LATS2: variants seen among roughly 807,000 people sequenced by gnomAD.
The protein encoded by LATS2 is serine/threonine-protein kinase LATS2.
LATS2 carries 24 observed loss-of-function variants against 76.0 expected under a neutral mutation model. The ratio of observed to expected loss-of-function variants is 0.32; its 90% CI spans 0.23 to 0.44. The LOEUF (loss-of-function observed/expected upper bound fraction) is 0.44. Among genes scored for constraint, LATS2 ranks in the 20% least tolerant of loss-of-function variants. LATS2 has a pLI of 1.00. For synonymous variants in LATS2, 692 were observed against 635.4 expected, an observed-to-expected ratio of 1.09 and a Z score of -1.34; for missense variants, 1,286 against 1,481.2, an observed-to-expected ratio of 0.87 and a Z score of 2.16.
chr13:21,061,026 C>T (rs1873625774), intron 1 of LATS2, among the ~76,000 whole-genome samples: 1 of 151,638 alleles, frequency 6.6e-6, no homozygotes, highest in Non-Finnish European at 1.5e-5. Flanking sequence ...CCCCGGTCGC[C>T]GCACAACAAA....
Position 20,973,871 on chromosome 13 carries a change from G to A in LATS2, c.*999C>T, listed in dbSNP as rs528273516. On this transcript the variant is annotated 3_prime_UTR_variant, in exon 8 of 8. Coordinates refer to ENST00000382592, the MANE Select transcript of LATS2 (RefSeq NM_014572.3). ...TCTACCAAGAATGAAAGAGCATACG[G>A]ACTACAGAAACGGACATGTGTCCGT... 4.4e-6 allele frequency: 1 copy of A among 229,024 alleles called. No homozygotes were observed. Among genetic ancestry groups the A allele is most frequent in the Admixed American group, 5.7e-5 (1 of 17,526 alleles). The allele number at this position is 229,024 out of a possible 1,614,324, so 14.2% of individuals were successfully genotyped here.
intron 2 of LATS2, among the ~76,000 whole-genome samples, chr13:21,019,468 A>G (rs1871951491): frequency 6.8e-6 from 1 of 147,778 alleles, no homozygotes. Flanking sequence ...CTGGAACTAC[A>G]GGTGCACGCC....
chr13:20,996,540 C>T (rs1870761678), intron 2 of LATS2, among the ~76,000 whole-genome samples: 1 of 152,012 alleles, frequency 6.6e-6, no homozygotes, highest in South Asian at 2.1e-4. Flanking sequence ...ACCACCATAC[C>T]TGGCTAATTT....
At chr13:21,048,743 A>G (rs1298449444) in intron 1 of LATS2, among the ~76,000 whole-genome samples, 1 of 152,178 alleles carries the variant, frequency 6.6e-6, no homozygotes, top group African/African-American at 2.4e-5. Context: ...AGGCTGAGGC[A>G]GGAGAATCAC....
chr13:20,981,457 C>G lies in LATS2; in HGVS notation c.2665+9G>C, dbSNP rs371007153. The G allele has an allele frequency of 6.2e-7, 1 of 1,609,678 alleles. No individual in the cohort carries two copies. Among genetic ancestry groups the G allele is most frequent in the Middle Eastern group, 1.7e-4 (1 of 5,984 alleles). ...CCTCCTGCGGGGTGGCTGGCCATGG[C>G]GCATGTACCTTTGCGGAGGAGCACC... On this transcript the variant is annotated intron_variant, in intron 6 of 7. Transcript: ENST00000382592.
At chr13:21,027,751 T>C (rs1872362578) in intron 2 of LATS2, among the ~76,000 whole-genome samples, 1 of 152,090 alleles carries the variant, frequency 6.6e-6, no homozygotes, top group African/African-American at 2.4e-5. Flanking sequence ...TACTTTGCAG[T>C]GCCATATGAA....
At position 21,045,805 on chromosome 13, in the gene LATS2, C is replaced by T. The variant is rs1273337933; in HGVS notation, c.222G>A (p.Gln74=). 2 of 1,614,220 alleles carry T rather than the reference C, an allele frequency of 1.2e-6. No individual in the cohort carries two copies. Among genetic ancestry groups the T allele is most frequent in the Non-Finnish European group, 1.7e-6 (2 of 1,180,040 alleles). The change falls in exon 2 of 8, where the codon CAG becomes CAA. Residue 74 remains glutamine, a synonymous_variant. Coordinates refer to ENST00000382592, the MANE Select transcript of LATS2 (RefSeq NM_014572.3). ...AATATCTGATTTCCCTCAAGGCTTT[C>T]TGATAAGGTCCGAACTTTGGGGTGG... ...MRATPKFGPY[Q]KALREIRYSL... is the part of the protein sequence containing the mutation.
intron 2 of LATS2, among the ~76,000 whole-genome samples, chr13:21,029,747 C>T (rs1436515906): frequency 6.6e-6 from 1 of 151,808 alleles, no homozygotes; most frequent in Non-Finnish European, 1.5e-5. Flanking sequence ...GCCAAGATTG[C>T]ACCACTGCAC....
rs764592742 is a variant in LATS2, at chr13:20,975,379, G to A, written c.2773-15C>T. 9.8e-6 allele frequency: 15 copies of A among 1,531,590 alleles called. No homozygotes were observed. The South Asian group carries it at 1.9e-4, about 20-fold the overall frequency. 94.9% of individuals were successfully genotyped at this position (1,531,590 alleles called of 1,614,324 possible). A position where few individuals can be genotyped will look rare whatever the true frequency, so the allele number is the denominator to read the frequency against. ...CAGTTGATCACCTGAGGAAACAACAGAGCCAACAGGTTAGTTTCTCCTCAC... is the reference window on the plus strand; with the variant it reads ...CAGTTGATCACCTGAGGAAACAACAAAGCCAACAGGTTAGTTTCTCCTCAC... On this transcript the variant is annotated splice_polypyrimidine_tract_variant and intron_variant, in intron 7 of 7. Transcript: ENST00000382592.
At chr13:21,021,521 TTC>T (rs2138361764) in intron 2 of LATS2, among the ~76,000 whole-genome samples, 1 of 146,228 alleles carries the variant, frequency 6.8e-6, no homozygotes, top group African/African-American at 2.6e-5. Flanking sequence ...TAAAAGGCAT[TTC>T]TGATATGCAC....
At position 20,991,511 on chromosome 13, in the gene LATS2, G is replaced by A; in HGVS notation, c.343-107C>T. 1 of 1,287,928 alleles carries A rather than the reference G, an allele frequency of 7.8e-7. No homozygotes were observed. Among genetic ancestry groups the A allele is most frequent in the Non-Finnish European group, 1.1e-6 (1 of 916,606 alleles). The allele number at this position is 1,287,928 out of a possible 1,614,324, so 79.8% of individuals were successfully genotyped here. ...GACTGTGCTGGGACACTTCGCCTCTGTACTGCTGAGAACCTGCGATATGCT... is the reference window on the plus strand; with the variant it reads ...GACTGTGCTGGGACACTTCGCCTCTATACTGCTGAGAACCTGCGATATGCT... On this transcript the variant is annotated intron_variant, in intron 2 of 7. Transcript: ENST00000382592. This position sits in a 1 kb window ranked among gnomAD's most constrained non-coding sequence, Gnocchi z 4.9.
intron 1 of LATS2, among the ~76,000 whole-genome samples, chr13:21,055,658 C>A (rs567963692): frequency 6.6e-6 from 1 of 152,338 alleles, no homozygotes; most frequent in East Asian, 1.9e-4. Context: ...CAAACCCACA[C>A]TGGCTGCCAA....
chr13:21,035,015 G>C (rs538334862), intron 2 of LATS2, among the ~76,000 whole-genome samples: 2 of 152,246 alleles, frequency 1.3e-5, no homozygotes, highest in East Asian at 3.9e-4. Context: ...AGGATCACTT[G>C]AGGCCAGGAG....
In LATS2 at chr13:21,007,921, G is replaced by A. The variant is rs201239635; in HGVS notation, c.343-16517C>T. ...ATTACAGATGCGAATCATCACAACCGACTAATTTTTGTATTTTTAGTAGAG... is the reference window on the plus strand; with the variant it reads ...ATTACAGATGCGAATCATCACAACCAACTAATTTTTGTATTTTTAGTAGAG... On this transcript the variant is annotated intron_variant, in intron 2 of 7. Coordinates refer to ENST00000382592, the MANE Select transcript of LATS2 (RefSeq NM_014572.3). Among the ~76,000 whole-genome samples, 18 of 148,268 alleles carry A rather than the reference G, an allele frequency of 1.2e-4. 1 individual carries two copies. In the East Asian group the frequency reaches 3.0e-3, roughly 24 times the overall value.
rs573120642 is a variant in LATS2 at position 20,991,519 on chromosome 13, G to T, written c.343-115C>A. On this transcript the variant is annotated intron_variant, in intron 2 of 7. Coordinates refer to ENST00000382592, the MANE Select transcript of LATS2 (RefSeq NM_014572.3). This position sits in a 1 kb window ranked among gnomAD's most constrained non-coding sequence, Gnocchi z 4.9. ...TGGGACACTTCGCCTCTGTACTGCT[G>T]AGAACCTGCGATATGCTGCAGGAGA... The T allele has an allele frequency of 4.0e-5, 46 of 1,164,300 alleles. No homozygotes were observed. The highest frequency in any genetic ancestry group is 5.6e-5 in the Non-Finnish European group (46 of 816,000). The allele number at this position is 1,164,300 out of a possible 1,614,324, so 72.1% of individuals were successfully genotyped here.
chr13:21,053,984 T>C (rs1873366030), intron 1 of LATS2, among the ~76,000 whole-genome samples: 2 of 152,148 alleles, frequency 1.3e-5, no homozygotes, highest in African/African-American at 4.8e-5. Flanking sequence ...GTATAGACAG[T>C]GGTGATGTTT....
intron 2 of LATS2, among the ~76,000 whole-genome samples, chr13:21,010,195 G>A (rs908622464): frequency 1.2e-4 from 4 of 33,368 alleles, no homozygotes; most frequent in Admixed American, 3.6e-4. Context: ...GCTAGACTCT[G>A]TCAAAAAAAC....
intron 6 of LATS2, among the ~76,000 whole-genome samples, chr13:20,980,147 A>G (rs1331945185): frequency 6.6e-6 from 1 of 152,248 alleles, no homozygotes; most frequent in African/African-American, 2.4e-5. Flanking sequence ...TGAAAAACAT[A>G]AAGTGCTATA....
At position 20,974,981 on chromosome 13, in the gene LATS2, G is replaced by C. The variant is rs1869528090; in HGVS notation, c.3156C>G (p.Pro1052=). The part of the protein sequence containing the change: ...FRRFFDDNGY[P]FRCPKPSGAE... Reference sequence around the variant, plus strand: ...CTCCTGAAGGCTTTGGGCATCGAAAGGGGTAGCCATTGTCATCAAAGAACC... The same window carrying C: ...CTCCTGAAGGCTTTGGGCATCGAAACGGGTAGCCATTGTCATCAAAGAACC... Residue 1052 remains proline (P), a synonymous_variant, in exon 8 of 8, where the codon CCC becomes CCG. Transcript: ENST00000382592. 6.2e-7 allele frequency: 1 copy of C among 1,614,224 alleles called. No homozygotes were observed. Among genetic ancestry groups the C allele is most frequent in the Admixed American group, 1.7e-5 (1 of 60,028 alleles).
Sources: gnomAD v4.1 joint callset for allele counts (sites outside exome capture counted in the v4.1 genomes callset) on GRCh38, gnomAD v4.1.1 for gene constraint, Gnocchi (gnomAD v3.1) non-coding constraint, MANE v1.5 for transcripts, NCBI Gene and HGNC (gene_info 2026-07-23, HGNC 2026-07-21) for gene names.